Variants in DMBT1 observed in about 807,000 individuals in gnomAD.
DMBT1 encodes deleted in malignant brain tumors 1.
Under a neutral mutation model 252.9 loss-of-function variants are expected in DMBT1, and 198 were observed. That is an observed-to-expected ratio of 0.78 (90% confidence interval 0.70 to 0.88). DMBT1 has a LOEUF of 0.88. DMBT1 is among the 40% of genes least tolerant of loss of function. The probability of loss-of-function intolerance (pLI) is 0.00; values close to 1 mark genes in which losing one functional copy is unlikely to be tolerated. For synonymous variants in DMBT1, 990 were observed against 942.7 expected (o/e 1.05, Z -0.92); for missense variants, 2,432 against 2,404.7 (o/e 1.01, Z -0.24).
intron 2 of DMBT1, among the ~76,000 whole-genome samples, chr10:122,566,727 T>A (rs3019521): frequency 0.67 from 101,758 of 151,844 alleles, 34,450 homozygotes; most frequent in East Asian, 0.77. Flanking sequence ...GATATATTTT[T>A]AAAAAATACT....
chr10:122,573,168 T>C (rs775269572), intron 5 of DMBT1, among the ~76,000 whole-genome samples: 3 of 152,232 alleles, frequency 2.0e-5, no homozygotes, highest in Non-Finnish European at 4.4e-5. Context: ...ACTGAGCCCA[T>C]GCCACCATGC....
intron 1 of DMBT1, among the ~76,000 whole-genome samples, chr10:122,562,880 G>A (rs2133495509): frequency 6.6e-6 from 1 of 152,340 alleles, no homozygotes; most frequent in South Asian, 2.1e-4. Flanking sequence ...TGGGGAAACT[G>A]AGGCTCAGAA....
rs773898679 is a variant in DMBT1 at position 122,637,111 on chromosome 10, C to T, written c.6758-17C>T. 1.2e-6 allele frequency: 2 copies of T among 1,611,102 alleles called. No homozygotes were observed. Among genetic ancestry groups the T allele is most frequent in the Non-Finnish European group, 1.7e-6 (2 of 1,178,410 alleles). On this transcript the variant is annotated splice_polypyrimidine_tract_variant and intron_variant, in intron 53 of 55. Transcript: ENST00000338354. ...CTGGGGCAGTGACTGAGTGCCTTAT[C>T]TGTCCTTGTCTATCAGACCTGCTCT... is the stretch of plus-strand genomic sequence containing the variant.
Position 122,592,308 on chromosome 10 carries a change from G to C in DMBT1, c.2213G>C (p.Gly738Ala). ...AGTTTGACCCTGAGGCTGGTGAATG[G>C]AAGTGACAGGTGTCAGGGCCGAGTA... The part of the protein sequence containing the change: ...ESSLTLRLVN[G>A]SDRCQGRVEV... Residue 738 changes from glycine (G) to alanine (A), a missense_variant, in exon 20 of 56, where the codon GGA becomes GCA. Around this residue, in one of 3 missense-constraint regions of DMBT1, gnomAD observed 1,264 missense variants for 1,082.2 expected, o/e 1.17. Coordinates refer to ENST00000338354, the MANE Select transcript of DMBT1 (RefSeq NM_001377530.1). 4 of 1,587,674 alleles carry C rather than the reference G, an allele frequency of 2.5e-6. 1 individual carries two copies. The highest frequency in any genetic ancestry group is 3.4e-6 in the Non-Finnish European group (4 of 1,165,642).
chr10:122,588,919 G>A, intron 16 of DMBT1, 25 bp from the exon 17 acceptor site: 1 of 1,587,102 alleles, frequency 6.3e-7, no homozygotes, highest in Non-Finnish European at 8.6e-7. Context: ...AGGGATTGAT[G>A]AAGGGTTCTT....
chr10:122,637,260 C>A lies in DMBT1; in HGVS notation c.6890C>A (p.Pro2297Gln), dbSNP rs371601589. The A allele has an allele frequency of 6.2e-7, 1 of 1,613,790 alleles. No individual in the cohort carries two copies. Among genetic ancestry groups the A allele is most frequent in the African/African-American group, 1.3e-5 (1 of 74,916 alleles). The change falls in exon 54 of 56, where the codon CCG becomes CAG. Residue 2297 changes from proline (P) to glutamine (Q), a missense_variant. Pro to Gln is a moderately conservative substitution (Grantham distance 76). Around this residue, in one of 3 missense-constraint regions of DMBT1, gnomAD observed 1,162 missense variants for 1,169.0 expected, o/e 0.99. Coordinates refer to ENST00000338354, the MANE Select transcript of DMBT1 (RefSeq NM_001377530.1). ...GYYECRPQIT[P>Q]NLVIFTIPYS... ...TACGAGTGTCGGCCCCAGATAACGC[C>A]GAACCTGGTGATATTCACAATTCCC...
At chr10:122,625,163 G>T in intron 44 of DMBT1, 114 bp from the exon 45 acceptor site, 3 of 982,198 alleles carry the variant, frequency 3.1e-6, no homozygotes, top group Non-Finnish European at 4.8e-6. Context: ...CACTCTCCTG[G>T]ATGACTCTTG....
intron 4 of DMBT1, 67 bp from the exon 5 acceptor site, chr10:122,572,247 A>G: frequency 5.0e-6 from 8 of 1,596,166 alleles, no homozygotes; most frequent in Non-Finnish European, 6.0e-6. Context: ...GACCTGAGGA[A>G]GCCATGGACC....
intron 9 of DMBT1, among the ~76,000 whole-genome samples, chr10:122,579,057 A>G (rs1003008625): frequency 4.6e-5 from 7 of 152,046 alleles, no homozygotes; most frequent in African/African-American, 1.7e-4. Flanking sequence ...AGTCTCTGAA[A>G]ACCCAGAATT....
Position 122,579,594 on chromosome 10 carries a change from G to C in DMBT1, c.696G>C (p.Leu232Phe), listed in dbSNP as rs772228714. ...PVPTEGSESS[L>F]ALRLVNGGDR... ...CCCCTGTAGGATCTGAATCCAGTTT[G>C]GCCCTGAGGCTGGTGAATGGAGGCG... Residue 232 changes from leucine to phenylalanine, a missense_variant, in exon 10 of 56, where the codon TTG (leucine) becomes TTC (phenylalanine). Physicochemically the swap from Leu to Phe is conservative, Grantham distance 22. Transcript: ENST00000338354. The C allele has an allele frequency of 6.2e-7, 1 of 1,613,320 alleles. No homozygotes were observed. The highest frequency in any genetic ancestry group is 8.5e-7 in the Non-Finnish European group (1 of 1,179,732).
At chr10:122,593,667 C>T in intron 21 of DMBT1, 69 bp downstream of exon 21, 1 of 1,453,202 alleles carries the variant, frequency 6.9e-7, no homozygotes, top group Admixed American at 2.0e-5. Context: ...CCACACTCCA[C>T]AGAGCTCTCC....
chr10:122,588,805 C>T, intron 16 of DMBT1, 139 bp from the exon 17 acceptor site: 20 of 1,442,008 alleles, frequency 1.4e-5, no homozygotes, highest in Non-Finnish European at 1.8e-5. Flanking sequence ...GAAGCTGAAC[C>T]TCTGGTTGCA....
rs777817360 is a variant in DMBT1 at position 122,592,386 on chromosome 10, C to A, written c.2291C>A (p.Thr764Asn). 4 of 1,588,496 alleles carry A rather than the reference C, an allele frequency of 2.5e-6. 1 individual carries two copies. Among genetic ancestry groups the A allele is most frequent in the Non-Finnish European group, 3.4e-6 (4 of 1,165,824 alleles). The change falls in exon 20 of 56, where the codon ACC becomes AAC. Residue 764 changes from threonine to asparagine, a missense_variant. By Grantham distance (65) the Thr-to-Asn change is moderately conservative. This residue lies in a region of DMBT1 where 1,264 missense variants were observed against 1,082.2 expected (regional missense o/e 1.17). Transcript: ENST00000338354. ...WGTVCDDSWD[T>N]NDANVVCRQL... is the part of the protein sequence containing the mutation. The stretch of plus-strand genomic sequence containing the variant: ...ACCGTGTGTGATGACAGCTGGGATA[C>A]CAATGATGCCAATGTGGTCTGCAGG...
intron 52 of DMBT1, among the ~76,000 whole-genome samples, chr10:122,634,011 C>T (rs1303362094): frequency 6.6e-6 from 1 of 152,066 alleles, no homozygotes; most frequent in African/African-American, 2.4e-5. Context: ...GTGGCCTGCA[C>T]CTGTAGTCCC....
Position 122,576,526 on chromosome 10 carries a change from C to T in DMBT1, c.411C>T (p.Asn137=), listed in dbSNP as rs759092241. 6.2e-6 allele frequency: 10 copies of T among 1,613,832 alleles called. No individual in the cohort carries two copies. The highest frequency in any genetic ancestry group is 1.7e-5 in the Admixed American group (1 of 59,992). The change falls in exon 7 of 56, where the codon AAC becomes AAT. Residue 137 remains asparagine, a synonymous_variant. Coordinates refer to ENST00000338354, the MANE Select transcript of DMBT1 (RefSeq NM_001377530.1). ...CDDSWDTNDA[N]VVCRQLGCGW... ...ACAGCTGGGACACCAATGATGCCAACGTGGTCTGTAGGCAGCTGGGTTGTG... is the reference window on the plus strand; with the variant it reads ...ACAGCTGGGACACCAATGATGCCAATGTGGTCTGTAGGCAGCTGGGTTGTG...
At chr10:122,598,140 A>T in intron 25 of DMBT1, 128 bp downstream of exon 25, 1 of 1,411,170 alleles carries the variant, frequency 7.1e-7, no homozygotes, top group Non-Finnish European at 9.9e-7. Context: ...GTTGCATGGG[A>T]GGAAGGTAGC....
chr10:122,620,315 C>G (rs1488833013), intron 43 of DMBT1, 24 bp downstream of exon 43: 1 of 1,612,884 alleles, frequency 6.2e-7, no homozygotes, highest in African/African-American at 1.3e-5. Context: ...TCGCCCCTCC[C>G]TAGGGCTCAC....
intron 46 of DMBT1, among the ~76,000 whole-genome samples, chr10:122,628,307 G>A (rs1396850983): frequency 6.6e-6 from 1 of 152,192 alleles, no homozygotes; most frequent in Non-Finnish European, 1.5e-5. Context: ...AATATGATAT[G>A]TCCATGCAGT....
intron 48 of DMBT1, 103 bp from the exon 49 acceptor site, chr10:122,630,858 T>G: frequency 7.8e-7 from 1 of 1,288,736 alleles, no homozygotes; most frequent in Non-Finnish European, 1.1e-6. Context: ...TTTGGCGACT[T>G]TAGAGGTGGG....
Sources: allele counts gnomAD v4.1 joint callset (sites outside exome capture counted in the v4.1 genomes callset), GRCh38; gene constraint gnomAD v4.1.1; regional missense constraint gnomAD v4.1.1; transcripts MANE v1.5; gene names NCBI Gene and HGNC (gene_info 2026-07-23, HGNC 2026-07-21).